Variants in CELF4 observed in about 807,000 individuals in gnomAD.
The protein encoded by CELF4 is CUGBP Elav-like family member 4.
CELF4 carries 18 observed loss-of-function variants against 59.9 expected under a neutral mutation model. The observed-to-expected ratio is 0.30, with a 90% CI of 0.21 to 0.45. The LOEUF is 0.45. Among genes scored for constraint, CELF4 ranks in the 20% least tolerant of loss-of-function variants. CELF4 has a pLI of 1.00. For missense variants in CELF4, 456 were observed against 689.0 expected, an observed-to-expected ratio of 0.66 and a Z score of 3.79; for synonymous variants, 261 against 267.1, an observed-to-expected ratio of 0.98 and a Z score of 0.22.
chr18:37,399,379 T>G (rs1168567972), intron 2 of CELF4, among the ~76,000 whole-genome samples: 1 of 152,156 alleles, frequency 6.6e-6, no homozygotes. Flanking sequence ...TTTTTCCTCC[T>G]TGGGTGCAGT....
chr18:37,265,038 T>C (rs1023111534), intron 9 of CELF4, among the ~76,000 whole-genome samples: 4 of 151,074 alleles, frequency 2.6e-5, no homozygotes, highest in African/African-American at 7.3e-5. Flanking sequence ...TGTACGTGTG[T>C]GTGTACATTA....
intron 2 of CELF4, among the ~76,000 whole-genome samples, chr18:37,475,259 C>A (rs1002679528): frequency 6.6e-6 from 1 of 152,220 alleles, no homozygotes; most frequent in Non-Finnish European, 1.5e-5. Flanking sequence ...AGACAATATC[C>A]TTTAAAGCCT....
At chr18:37,346,719 G>T (rs2098273686) in intron 2 of CELF4, among the ~76,000 whole-genome samples, 1 of 152,152 alleles carries the variant, frequency 6.6e-6, no homozygotes. Flanking sequence ...GGAGGAGTAG[G>T]TGGAAGGGGT....
chr18:37,404,571 T>C (rs1250715660), intron 2 of CELF4, among the ~76,000 whole-genome samples: 2 of 152,202 alleles, frequency 1.3e-5, no homozygotes, highest in Admixed American at 1.3e-4. Context: ...ACATGGGGGC[T>C]GTGCCTGGGC....
At chr18:37,408,497 G>GGCGGGGGT (rs1569568993) in intron 2 of CELF4, among the ~76,000 whole-genome samples, 4 of 80,456 alleles carry the variant, frequency 5.0e-5, no homozygotes, top group Non-Finnish European at 1.1e-4. Context: ...GGTGCCGGGG[G>GGCGGGGGT]GGGGCGCGGT....
At chr18:37,333,870 T>C (rs989791984) in intron 2 of CELF4, among the ~76,000 whole-genome samples, 2 of 152,004 alleles carry the variant, frequency 1.3e-5, no homozygotes, top group African/African-American at 4.8e-5. Context: ...CCCTGTTCTA[T>C]AGAATTGGAT....
chr18:37,280,981 A>G (rs1173782177), intron 3 of CELF4, among the ~76,000 whole-genome samples: 1 of 152,188 alleles, frequency 6.6e-6, no homozygotes, highest in Non-Finnish European at 1.5e-5. Context: ...GGCTGCCAGA[A>G]CCTCCTGCAT....
intron 1 of CELF4, among the ~76,000 whole-genome samples, chr18:37,555,161 T>C (rs909495640): frequency 4.6e-5 from 7 of 152,204 alleles, no homozygotes; most frequent in African/African-American, 1.7e-4. Context: ...TTCAGGCTCA[T>C]GCCACCCCTT....
At chr18:37,453,730 C>T (rs900787032) in intron 2 of CELF4, among the ~76,000 whole-genome samples, 1 of 152,148 alleles carries the variant, frequency 6.6e-6, no homozygotes, top group African/African-American at 2.4e-5. Context: ...GCAGATGACC[C>T]ATCAGGGCCT....
At position 37,254,171 on chromosome 18, in the gene CELF4, G is replaced by A. The variant is rs2154279072; in HGVS notation, c.1334-233C>T. On this transcript the variant is annotated intron_variant, in intron 11 of 12. Transcript: ENST00000420428. The surrounding 1 kb of genome is among the most constrained non-coding windows in gnomAD (Gnocchi z 5.1). ...GCTCGCTGACCTGCGCCTAGTCTCT[G>A]GCCGCGTCACTCGCCCGGCGCCCGC... Among the ~76,000 whole-genome samples, 1 of 151,054 alleles carries A rather than the reference G, an allele frequency of 6.6e-6. No individual in the cohort carries two copies. Among genetic ancestry groups the A allele is most frequent in the Admixed American group, 6.6e-5 (1 of 15,190 alleles).
At chr18:37,368,152 C>T (rs1427801504) in intron 2 of CELF4, among the ~76,000 whole-genome samples, 1 of 152,150 alleles carries the variant, frequency 6.6e-6, no homozygotes, top group East Asian at 1.9e-4. Context: ...TCCCAGGATA[C>T]AGGCATTCAT....
chr18:37,500,262 G>C (rs766662838), intron 1 of CELF4, among the ~76,000 whole-genome samples: 21 of 152,168 alleles, frequency 1.4e-4, no homozygotes, highest in Non-Finnish European at 2.8e-4. Flanking sequence ...GGAGGCACAG[G>C]TGCAATGCTC....
chr18:37,246,954 C>CAA lies in CELF4; in HGVS notation c.*45-1759_*45-1758dup, dbSNP rs1378891325. ...CAGAAAGTAAAACCACTGCAAGCAC[C>CAA]AAGAACGAAACGAAAATGAGCACAG... On this transcript the variant is annotated intron_variant, in intron 12 of 12. Transcript: ENST00000420428. This position sits in a 1 kb window ranked among gnomAD's most constrained non-coding sequence, Gnocchi z 5.3. 6.6e-6 allele frequency: 1 copy of CAA among 151,936 alleles called. No individual in the cohort carries two copies. The highest frequency in any genetic ancestry group is 2.4e-5 in the African/African-American group (1 of 41,322). The allele number at this position is 151,936 out of a possible 1,614,324, so 9.4% of individuals were successfully genotyped here.
chr18:37,441,492 G>A (rs571439551), intron 2 of CELF4, among the ~76,000 whole-genome samples: 28 of 152,150 alleles, frequency 1.8e-4, no homozygotes, highest in East Asian at 1.3e-3. Flanking sequence ...CTAATTGTTC[G>A]GATGGGAAGA....
intron 3 of CELF4, among the ~76,000 whole-genome samples, chr18:37,308,793 T>C (rs2096541869): frequency 6.6e-6 from 1 of 152,168 alleles, no homozygotes; most frequent in East Asian, 1.9e-4. Context: ...GGCTGACCTC[T>C]AGATTTCTGC....
rs371509950 is a variant in CELF4 at position 37,266,594 on chromosome 18, C to G, written c.1104G>C (p.Gln368His). 6.3e-7 allele frequency: 1 copy of G among 1,588,444 alleles called. No individual in the cohort carries two copies. Among genetic ancestry groups the G allele is most frequent in the Non-Finnish European group, 8.6e-7 (1 of 1,168,814 alleles). ...GCAGGGGGTCCGCGGCGGTGGGGCTCTGTGCTGTAGGGAGCCAAGGGGACA... is the reference window on the plus strand; with the variant it reads ...GCAGGGGGTCCGCGGCGGTGGGGCTGTGTGCTGTAGGGAGCCAAGGGGACA... ...FANGIHPYPAQSPTAADPLQQ... is the reference protein window; with the variant it reads ...FANGIHPYPAHSPTAADPLQQ... Residue 368 changes from glutamine to histidine, a missense_variant, in exon 9 of 13, where the codon CAG becomes CAC. Around this residue, in one of 7 missense-constraint regions of CELF4, gnomAD observed 256 missense variants for 340.8 expected, o/e 0.75. Coordinates refer to ENST00000420428, the MANE Select transcript of CELF4 (RefSeq NM_020180.4).
Position 37,459,140 on chromosome 18 carries a change from G to A in CELF4, c.369+26385C>T, listed in dbSNP as rs539364228. On this transcript the variant is annotated intron_variant, in intron 2 of 12. Coordinates refer to ENST00000420428, the MANE Select transcript of CELF4 (RefSeq NM_020180.4). The stretch of plus-strand genomic sequence containing the variant: ...TCTACCTCCTATGCCTGGACTACCT[G>A]CCTTGTGGTGAATTTTCAAGGATGT... 7.2e-5 allele frequency among the ~76,000 whole-genome samples: 11 copies of A among 152,314 alleles called. No individual in the cohort carries two copies. In the East Asian group the frequency reaches 2.1e-3, roughly 29 times the overall value.
chr18:37,434,251 G>T (rs2099681569), intron 2 of CELF4, among the ~76,000 whole-genome samples: 1 of 152,246 alleles, frequency 6.6e-6, no homozygotes, highest in Admixed American at 6.5e-5. Context: ...GAGGAGTACA[G>T]ACAATGAGGG....
chr18:37,448,704 C>G (rs943677962), intron 2 of CELF4, among the ~76,000 whole-genome samples: 5 of 152,236 alleles, frequency 3.3e-5, no homozygotes, highest in Admixed American at 3.3e-4. Context: ...CCACTGCCTG[C>G]ATGGGTCTGG....
Sources: allele counts gnomAD v4.1 joint callset (sites outside exome capture counted in the v4.1 genomes callset), GRCh38; gene constraint gnomAD v4.1.1; regional missense constraint gnomAD v4.1.1; non-coding constraint Gnocchi (gnomAD v3.1); transcripts MANE v1.5; gene names NCBI Gene and HGNC (gene_info 2026-07-23, HGNC 2026-07-21).